The following GLRA2 variants were observed in gnomAD, a reference collection of about 807,000 sequenced individuals.
The protein encoded by GLRA2 is glycine receptor subunit alpha-2.
A neutral mutation model predicts 31.6 loss-of-function variants in GLRA2; 11 were observed. That is an observed-to-expected ratio of 0.35 (90% CI 0.22 to 0.58). GLRA2 has a LOEUF of 0.58. GLRA2 is among the 20% of genes least tolerant of loss of function. GLRA2 has a pLI of 0.84. For missense variants in GLRA2, 212 were observed against 351.8 expected, an observed-to-expected ratio of 0.60 and a Z score of 3.18; for synonymous variants, 132 against 134.0, an observed-to-expected ratio of 0.99 and a Z score of 0.10.
At chrX:14,581,545 G>A in intron 4 of GLRA2, 139 bp downstream of exon 4, 1 of 454,652 alleles carries the variant, frequency 2.2e-6, no homozygotes, top group East Asian at 3.7e-5. Flanking sequence ...AAAGTTGGTG[G>A]AGAGTGTCAG....
At chrX:14,670,738 G>T (rs927252066) in intron 7 of GLRA2, among the ~76,000 whole-genome samples, 1 of 111,522 alleles carries the variant, frequency 9.0e-6, no homozygotes, top group Non-Finnish European at 1.9e-5. Context: ...TAAGATTTGG[G>T]TGGGGACACA....
chrX:14,630,033 C>T (rs1193987163), intron 7 of GLRA2, among the ~76,000 whole-genome samples: 1 of 111,624 alleles, frequency 9.0e-6, no homozygotes, highest in African/African-American at 3.2e-5. Flanking sequence ...TTACCATTTC[C>T]AATGTACTTC....
intron 7 of GLRA2, among the ~76,000 whole-genome samples, chrX:14,670,377 TC>T (rs1454326886): frequency 8.9e-6 from 1 of 112,106 alleles, no homozygotes; most frequent in Non-Finnish European, 1.9e-5. Context: ...GGCTATCTTT[TC>T]AGCAATACCC....
intron 7 of GLRA2, among the ~76,000 whole-genome samples, chrX:14,639,120 A>G (rs770659852): frequency 8.9e-6 from 1 of 111,792 alleles, no homozygotes; most frequent in African/African-American, 3.2e-5. Context: ...AAGGTCTTAC[A>G]TGATATATTC....
chrX:14,610,217 T>C (rs749605979), intron 7 of GLRA2, among the ~76,000 whole-genome samples: 1 of 112,241 alleles, frequency 8.9e-6, no homozygotes, highest in Non-Finnish European at 1.9e-5. Context: ...AGTTTATGTT[T>C]GGTTGTGCTG....
At chrX:14,725,039 C>G (rs2091914221) in intron 8 of GLRA2, among the ~76,000 whole-genome samples, 1 of 111,510 alleles carries the variant, frequency 9.0e-6, no homozygotes, top group African/African-American at 3.3e-5. Context: ...TCAGACAGAC[C>G]TGGATTTGAA....
the GLRA2 span, among the ~76,000 whole-genome samples, chrX:14,511,836 T>C: frequency 1.3e-4 from 15 of 111,954 alleles, no homozygotes; most frequent in African/African-American, 4.9e-4. Context: ...GCATCCTTGC[T>C]ACAACCAGGA....
At chrX:14,523,538 T>C in the GLRA2 span, among the ~76,000 whole-genome samples, 1 of 112,423 alleles carries the variant, frequency 8.9e-6, no homozygotes, top group African/African-American at 3.2e-5. Context: ...GCTTTCCATA[T>C]GCTTTCCTCA....
intron 7 of GLRA2, among the ~76,000 whole-genome samples, chrX:14,640,754 T>C (rs2090763870): frequency 9.0e-6 from 1 of 111,649 alleles, no homozygotes; most frequent in Non-Finnish European, 1.9e-5. Flanking sequence ...TTTTCCCTTT[T>C]GTTGTCCGTT....
intron 7 of GLRA2, among the ~76,000 whole-genome samples, chrX:14,627,273 C>G (rs754921548): frequency 1.3e-4 from 14 of 111,511 alleles, no homozygotes; most frequent in Admixed American, 8.6e-4. Context: ...AGACCTGCTT[C>G]TAAGTGCTTT....
At chrX:14,624,648 T>G (rs1047706753) in intron 7 of GLRA2, among the ~76,000 whole-genome samples, 4 of 112,147 alleles carry the variant, frequency 3.6e-5, no homozygotes, top group African/African-American at 6.5e-5. Flanking sequence ...AGTTTCCATG[T>G]AGTTGTGTGG....
chrX:14,586,775 A>G (rs1429367728), intron 4 of GLRA2, among the ~76,000 whole-genome samples: 1 of 112,230 alleles, frequency 8.9e-6, no homozygotes, highest in Non-Finnish European at 1.9e-5. Flanking sequence ...AAAAAAGGAG[A>G]AGGTGAGCAT....
intron 2 of GLRA2, among the ~76,000 whole-genome samples, chrX:14,555,406 T>C (rs1004783297): frequency 1.8e-5 from 2 of 111,616 alleles, no homozygotes; most frequent in Non-Finnish European, 3.8e-5. Flanking sequence ...ACAAATAGTA[T>C]ATAGTAGAGC....
chrX:14,580,800 T>A (rs1389956429), intron 3 of GLRA2, among the ~76,000 whole-genome samples: 1 of 111,877 alleles, frequency 8.9e-6, no homozygotes, highest in South Asian at 3.7e-4. Context: ...AGAGATCATG[T>A]GATTTCTGAT....
intron 8 of GLRA2, among the ~76,000 whole-genome samples, chrX:14,722,318 G>A (rs2091876410): frequency 9.0e-6 from 1 of 111,267 alleles, no homozygotes; most frequent in Non-Finnish European, 1.9e-5. Context: ...GCTTTTCCAT[G>A]TGATTTCTCC....
chrX:14,709,805 A>T (rs747421016), intron 8 of GLRA2, among the ~76,000 whole-genome samples: 168 of 112,046 alleles, frequency 1.5e-3, no homozygotes, highest in Middle Eastern at 4.6e-3. Flanking sequence ...AAGCAATAGG[A>T]AAGTGCCTCC....
At chrX:14,703,010 G>A (rs2091567321) in intron 8 of GLRA2, among the ~76,000 whole-genome samples, 1 of 111,767 alleles carries the variant, frequency 8.9e-6, no homozygotes, top group Non-Finnish European at 1.9e-5. Context: ...GAGCTTCAAA[G>A]AGCAGCAGTG....
chrX:14,513,923 C>G, the GLRA2 span, among the ~76,000 whole-genome samples: 1 of 111,371 alleles, frequency 9.0e-6, no homozygotes, highest in African/African-American at 3.3e-5. Context: ...GGGCATCTAC[C>G]CAGAGGAAAA....
rs577691777 is a variant in GLRA2, at chrX:14,608,610, T to C, written c.716-381T>C. Among the ~76,000 whole-genome samples the C allele has an allele frequency of 1.5e-4, 17 of 110,239 alleles. No individual in the cohort carries two copies. In the South Asian group the frequency reaches 6.3e-3, roughly 41 times the overall value. ...TATATAATATACTATATATAACATA[T>C]TATAACCCCCCAAAATTTGAATATT... On this transcript the variant is annotated intron_variant, in intron 6 of 8. Coordinates refer to ENST00000218075, the MANE Select transcript of GLRA2 (RefSeq NM_002063.4).
Sources: allele counts gnomAD v4.1 joint callset (sites outside exome capture counted in the v4.1 genomes callset), GRCh38; gene constraint gnomAD v4.1.1; transcripts MANE v1.5; gene names NCBI Gene and HGNC (gene_info 2026-07-23, HGNC 2026-07-21).